Variants in CIT observed in about 807,000 individuals in gnomAD.
CIT encodes the protein citron rho-interacting serine/threonine kinase.
CIT carries 79 observed loss-of-function variants against 272.7 expected under a neutral mutation model. The ratio of observed to expected loss-of-function variants is 0.29; its 90% CI spans 0.24 to 0.35. CIT has a LOEUF of 0.35. Ranked by LOEUF, CIT falls within the 10% of genes least tolerant of loss-of-function variation. CIT has a pLI of 1.00. For synonymous variants in CIT, 948 were observed against 995.6 expected, an observed-to-expected ratio of 0.95 and a Z score of 0.90; for missense variants, 1,909 against 2,618.3, an observed-to-expected ratio of 0.73 and a Z score of 5.91.
intron 40 of CIT, 52 bp from the exon 41 acceptor site, chr12:119,704,507 G>T: frequency 6.6e-7 from 1 of 1,523,992 alleles, no homozygotes; most frequent in Non-Finnish European, 9.1e-7. Context: ...GATACCGGCT[G>T]TGGGGCAAAA....
In CIT at chr12:119,760,972, A is replaced by G. The variant is rs775226530; in HGVS notation, c.2388T>C (p.His796=). 5 of 1,614,136 alleles carry G rather than the reference A, an allele frequency of 3.1e-6. No homozygotes were observed. The highest frequency in any genetic ancestry group is 2.7e-5 in the African/African-American group (2 of 75,052). The change falls in exon 20 of 48, where the codon CAT becomes CAC. Residue 796 remains histidine (H), a synonymous_variant. Coordinates refer to ENST00000392521, the MANE Select transcript of CIT (RefSeq NM_001206999.2). The part of the protein sequence containing the change: ...NMMQRHEEEA[H]EKGKILSEQK... Reference sequence around the variant, plus strand: ...GTTCGCTGAGAATTTTGCCCTTCTCATGGGCCTCCTCCTCGTGTCTCTGCA... The same window carrying G: ...GTTCGCTGAGAATTTTGCCCTTCTCGTGGGCCTCCTCCTCGTGTCTCTGCA...
At chr12:119,830,207 A>T (rs577247723) in intron 7 of CIT, among the ~76,000 whole-genome samples, 1 of 151,408 alleles carries the variant, frequency 6.6e-6, no homozygotes. Context: ...CAACCCTAAA[A>T]GCTCAAGAGA....
At chr12:119,727,966 G>T (rs1401635478) in intron 28 of CIT, among the ~76,000 whole-genome samples, 1 of 151,870 alleles carries the variant, frequency 6.6e-6, no homozygotes, top group African/African-American at 2.4e-5. Flanking sequence ...TACCAGCTAT[G>T]AAAAGACATG....
chr12:119,835,872 C>T (rs557948290), intron 5 of CIT, among the ~76,000 whole-genome samples: 2 of 152,278 alleles, frequency 1.3e-5, no homozygotes, highest in South Asian at 4.1e-4. Context: ...TCCCTGGGGG[C>T]TCCTTATAAC....
At chr12:119,856,924 GTAA>G (rs1950188391) in intron 4 of CIT, among the ~76,000 whole-genome samples, 1 of 152,166 alleles carries the variant, frequency 6.6e-6, no homozygotes, top group Non-Finnish European at 1.5e-5. Flanking sequence ...ATGTCTGTAA[GTAA>G]TAAATTACTC....
rs1957244112 is a variant in CIT at position 119,712,923 on chromosome 12, T to TGCGGATTTATGGGTTAGTTGACTGAG, written c.4579+254_4580-229dup. 3.5e-6 allele frequency: 2 copies of TGCGGATTTATGGGTTAGTTGACTGAG among 578,770 alleles called. No homozygotes were observed. The highest frequency in any genetic ancestry group is 6.1e-6 in the Non-Finnish European group (2 of 326,192). The allele number at this position is 578,770 out of a possible 1,614,324, so 35.9% of individuals were successfully genotyped here. On this transcript the variant is annotated intron_variant, in intron 35 of 47. Transcript: ENST00000392521. This position sits in a 1 kb window ranked among gnomAD's most constrained non-coding sequence, Gnocchi z 5.2. ...AGCACAGTCAAATTTCTGATGACGATGCGGATTTATGGGTTAGTTGACTGA... is the reference window on the plus strand; with the variant it reads ...AGCACAGTCAAATTTCTGATGACGATGCGGATTTATGGGTTAGTTGACTGAGGCGGATTTATGGGTTAGTTGACTGA...
chr12:119,827,573 G>A (rs1040136881), intron 7 of CIT, among the ~76,000 whole-genome samples: 2 of 151,930 alleles, frequency 1.3e-5, no homozygotes, highest in African/African-American at 2.4e-5. Context: ...GAGTAACTGC[G>A]ACTACAGGTG....
At chr12:119,776,281 G>T in intron 15 of CIT, 77 bp downstream of exon 15, 1 of 1,077,912 alleles carries the variant, frequency 9.3e-7, no homozygotes, top group Non-Finnish European at 1.4e-6. Flanking sequence ...CTTCATCAAT[G>T]ATGGGCCACT....
chr12:119,742,021 A>G (rs1959080734), intron 24 of CIT, among the ~76,000 whole-genome samples: 1 of 152,138 alleles, frequency 6.6e-6, no homozygotes, highest in African/African-American at 2.4e-5. Context: ...GACAAGTCTC[A>G]CAGATACAAC....
At chr12:119,840,314 T>C (rs888567223) in intron 5 of CIT, among the ~76,000 whole-genome samples, 2 of 152,040 alleles carry the variant, frequency 1.3e-5, no homozygotes, top group Admixed American at 6.5e-5. Context: ...TCAGACTCTG[T>C]CTCGAAAAAA....
At chr12:119,705,584 T>C (rs1956827595) in intron 40 of CIT, among the ~76,000 whole-genome samples, 1 of 152,014 alleles carries the variant, frequency 6.6e-6, no homozygotes, top group Non-Finnish European at 1.5e-5. Context: ...GTTCAGATAT[T>C]AGAATGAAAA....
chr12:119,754,553 T>C (rs1414843666), intron 22 of CIT, among the ~76,000 whole-genome samples: 1 of 152,210 alleles, frequency 6.6e-6, no homozygotes, highest in Non-Finnish European at 1.5e-5. Flanking sequence ...GGAGCCTGCA[T>C]CTTTGTGACT....
intron 8 of CIT, 88 bp downstream of exon 8, chr12:119,825,077 G>C (rs1244197225): frequency 1.7e-6 from 2 of 1,181,744 alleles, no homozygotes; most frequent in Non-Finnish European, 2.4e-6. Context: ...CGGGATTACA[G>C]GCATGAGCCA....
chr12:119,823,244 A>G (rs1016638649), intron 8 of CIT, among the ~76,000 whole-genome samples: 1 of 151,962 alleles, frequency 6.6e-6, no homozygotes, highest in Non-Finnish European at 1.5e-5. Context: ...CACATTCCCC[A>G]TCTCTCCCTT....
intron 4 of CIT, among the ~76,000 whole-genome samples, chr12:119,853,270 G>A (rs1460728996): frequency 1.3e-5 from 2 of 150,092 alleles, no homozygotes; most frequent in African/African-American, 4.9e-5. Context: ...GTTGCAGTGA[G>A]CAGAGATTGT....
chr12:119,844,947 C>T (rs1475493508), intron 5 of CIT, among the ~76,000 whole-genome samples: 3 of 151,808 alleles, frequency 2.0e-5, no homozygotes, highest in African/African-American at 7.3e-5. Flanking sequence ...GGTGAAACCC[C>T]GTCTCTACTA....
intron 9 of CIT, among the ~76,000 whole-genome samples, chr12:119,812,306 T>C (rs1379487999): frequency 6.6e-6 from 1 of 152,168 alleles, no homozygotes; most frequent in East Asian, 1.9e-4. Flanking sequence ...CTGCTTGCTG[T>C]AGGCCCAGGC....
In CIT at chr12:119,760,381, C is replaced by T. The variant is rs80310418; in HGVS notation, c.2421+558G>A. Among the ~76,000 whole-genome samples the T allele has an allele frequency of 1.4e-4, 21 of 152,074 alleles. No individual in the cohort carries two copies. The East Asian group carries it at 3.5e-3, about 25-fold the overall frequency. ...GGAGTGGTGGCCTGTAATCCCAGCA[C>T]TTTGAGAGACCAAGATGGGAGGATT... On this transcript the variant is annotated intron_variant, in intron 20 of 47. Coordinates refer to ENST00000392521, the MANE Select transcript of CIT (RefSeq NM_001206999.2).
chr12:119,867,309 C>T (rs1257718656), intron 3 of CIT, among the ~76,000 whole-genome samples: 2 of 152,150 alleles, frequency 1.3e-5, no homozygotes, highest in African/African-American at 4.8e-5. Context: ...CTGCCTCTGC[C>T]TCCCAAATGG....
Sources: gnomAD v4.1 joint callset for allele counts (sites outside exome capture counted in the v4.1 genomes callset) on GRCh38, gnomAD v4.1.1 for gene constraint, Gnocchi (gnomAD v3.1) non-coding constraint, MANE v1.5 for transcripts, NCBI Gene and HGNC (gene_info 2026-07-23, HGNC 2026-07-21) for gene names.